The following POGZ variants were observed in gnomAD, a reference collection of about 807,000 sequenced individuals.
POGZ encodes the protein pogo transposable element derived with ZNF domain.
In POGZ, 17 loss-of-function variants were observed where a neutral mutation model predicts 134.6. That is an observed-to-expected ratio of 0.13 (90% CI 0.09 to 0.19). The LOEUF (loss-of-function observed/expected upper bound fraction) is 0.19, where lower values mean the gene tolerates loss of function less well. POGZ is among the 10% of genes least tolerant of loss of function. The probability of loss-of-function intolerance (pLI) is 1.00; values close to 1 mark genes in which losing one functional copy is unlikely to be tolerated. For synonymous variants in POGZ, 693 were observed against 657.1 expected, an observed-to-expected ratio of 1.05 and a Z score of -0.84; for missense variants, 1,306 against 1,769.7, an observed-to-expected ratio of 0.74 and a Z score of 4.70.
intron 10 of POGZ, among the ~76,000 whole-genome samples, chr1:151,419,024 C>CAAAAAAAAAAAAAAAAAAA (rs71090164): frequency 1.9e-5 from 1 of 52,152 alleles, no homozygotes; most frequent in Non-Finnish European, 3.9e-5. Flanking sequence ...AGCTCTGTCT[C>CAAAAAAAAAAAAAAAAAAA]AAAAAAAAAA....
At chr1:151,456,583 G>A (rs7533843) in intron 1 of POGZ, among the ~76,000 whole-genome samples, 4,874 of 152,252 alleles carry the variant, frequency 0.032, 271 homozygotes, top group African/African-American at 0.11. Context: ...TCCCTAGGCA[G>A]CATAAATGCT....
Position 151,403,102 on chromosome 1 carries a change from G to T in POGZ, c.*1700C>A. 1 of 476,118 alleles carries T rather than the reference G, an allele frequency of 2.1e-6. No individual in the cohort carries two copies. Among genetic ancestry groups the T allele is most frequent in the Non-Finnish European group, 2.7e-6 (1 of 364,300 alleles). 29.5% of individuals were successfully genotyped at this position (476,118 alleles called of 1,614,324 possible). ...AAGCTGGGGAAGAGAAGCCCAGATG[G>T]ATCCTTGGTTGTTTTCAGATGTCAA... On this transcript the variant is annotated 3_prime_UTR_variant, in exon 19 of 19. Coordinates refer to ENST00000271715, the MANE Select transcript of POGZ (RefSeq NM_015100.4).
chr1:151,451,879 C>G (rs1217941892), intron 1 of POGZ, among the ~76,000 whole-genome samples: 1 of 150,972 alleles, frequency 6.6e-6, no homozygotes, highest in Non-Finnish European at 1.5e-5. Flanking sequence ...GGTGGATCAC[C>G]TCAGATCAGG....
chr1:151,432,406 G>C lies in POGZ; in HGVS notation c.284-1565C>G, dbSNP rs6697902. On this transcript the variant is annotated intron_variant, in intron 3 of 18. Coordinates refer to ENST00000271715, the MANE Select transcript of POGZ (RefSeq NM_015100.4). ...TATCTTATACTCTCTCAGAAACTGAGAGCTCATCAGTAGACTAGACCCTCA... is the reference window on the plus strand; with the variant it reads ...TATCTTATACTCTCTCAGAAACTGACAGCTCATCAGTAGACTAGACCCTCA... Among the ~76,000 whole-genome samples the C allele has an allele frequency of 3.4e-3, 525 of 152,252 alleles. 5 individuals are homozygous for C. Among genetic ancestry groups the C allele is most frequent in the African/African-American group, 0.012 (504 of 41,530 alleles).
intron 4 of POGZ, 76 bp downstream of exon 4, chr1:151,430,590 G>T: frequency 1.8e-6 from 2 of 1,131,562 alleles, no homozygotes; most frequent in Middle Eastern, 2.1e-4. Flanking sequence ...TGACGCCAAA[G>T]ACCCTAAGTC....
Position 151,404,198 on chromosome 1 carries a change from G to T in POGZ, c.*604C>A, listed in dbSNP as rs760264302. The T allele has an allele frequency of 4.1e-6, 4 of 984,988 alleles. No homozygotes were observed. Among genetic ancestry groups the T allele is most frequent in the Non-Finnish European group, 4.8e-6 (4 of 829,266 alleles). The allele number at this position is 984,988 out of a possible 1,614,324, so 61.0% of individuals were successfully genotyped here. On this transcript the variant is annotated 3_prime_UTR_variant, in exon 19 of 19. Coordinates refer to ENST00000271715, the MANE Select transcript of POGZ (RefSeq NM_015100.4). The stretch of plus-strand genomic sequence containing the variant: ...GGGAAGGAAAGAAAAGGAGAAGGAA[G>T]AGAGAGTTCAGTGGGACTTTTTTTC...
intron 3 of POGZ, among the ~76,000 whole-genome samples, chr1:151,436,305 T>A (rs1409488237): frequency 6.6e-6 from 1 of 152,052 alleles, no homozygotes; most frequent in Non-Finnish European, 1.5e-5. Context: ...TCATTTCCCC[T>A]AGCAATTATT....
At position 151,403,345 on chromosome 1, in the gene POGZ, C is replaced by A; in HGVS notation, c.*1457G>T. 12 of 985,282 alleles carry A rather than the reference C, an allele frequency of 1.2e-5. No individual in the cohort carries two copies. The highest frequency in any genetic ancestry group is 1.4e-5 in the Non-Finnish European group (12 of 829,508). 61.0% of individuals were successfully genotyped at this position (985,282 alleles called of 1,614,324 possible). On this transcript the variant is annotated 3_prime_UTR_variant, in exon 19 of 19. Coordinates refer to ENST00000271715, the MANE Select transcript of POGZ (RefSeq NM_015100.4). ...TAAACAGGGTCACCTAGAAAAAAAA[C>A]AAGTTTATAAATCCATTTCCCCTCA...
At position 151,406,135 on chromosome 1, in the gene POGZ, A is replaced by G. The variant is rs1653545381; in HGVS notation, c.2900T>C (p.Val967Ala). The change falls in exon 19 of 19, where the codon GTT (valine) becomes GCT (alanine). Residue 967 changes from valine to alanine, a missense_variant. Val to Ala is a moderately conservative substitution (Grantham distance 64). This residue lies in a region of POGZ where 214 missense variants were observed against 255.5 expected (regional missense o/e 0.84). Transcript: ENST00000271715. ...LASGGGGSGG[V>A]GKKEQLSVKK... ...CACAGACAGCTGCTCCTTTTTGCCA[A>G]CTCCACCACTACCACCACCACCTGA... is the stretch of plus-strand genomic sequence containing the variant. 1.2e-6 allele frequency: 2 copies of G among 1,613,942 alleles called. No homozygotes were observed. Among genetic ancestry groups the G allele is most frequent in the South Asian group, 1.1e-5 (1 of 91,074 alleles).
chr1:151,451,413 A>G (rs887469783), intron 1 of POGZ, among the ~76,000 whole-genome samples: 1 of 151,512 alleles, frequency 6.6e-6, no homozygotes, highest in African/African-American at 2.4e-5. Flanking sequence ...TGCAACCTTC[A>G]CCTCCTGGGT....
intron 10 of POGZ, among the ~76,000 whole-genome samples, chr1:151,412,794 G>A (rs1654891037): frequency 2.0e-5 from 3 of 151,984 alleles, no homozygotes; most frequent in Admixed American, 1.3e-4. Flanking sequence ...CAAACTGCAT[G>A]TAGGAACTGT....
Position 151,404,887 on chromosome 1 carries a change from C to T in POGZ, c.4148G>A (p.Ser1383Asn). ...SSPEETIEPESLHQLFEGESE... is the reference protein window; with the variant it reads ...SSPEETIEPENLHQLFEGESE... The stretch of plus-strand genomic sequence containing the variant: ...TTCACCCTCAAAGAGCTGGTGAAGA[C>T]TTTCAGGCTCAATTGTCTCTTCAGG... Residue 1383 changes from serine (S) to asparagine (N), a missense_variant, in exon 19 of 19, where the codon AGT (serine) becomes AAT (asparagine). This residue lies in a region of POGZ where 107 missense variants were observed against 97.9 expected (regional missense o/e 1.09). Transcript: ENST00000271715. 6.2e-7 allele frequency: 1 copy of T among 1,614,186 alleles called. No individual in the cohort carries two copies. Among genetic ancestry groups the T allele is most frequent in the East Asian group, 2.2e-5 (1 of 44,880 alleles).
In POGZ at chr1:151,411,497, A is replaced by C. The variant is rs964621760; in HGVS notation, c.1926+128T>G. Reference sequence around the variant, plus strand: ...CATGGCACATTAAGTGAATTCAATAAATTTCTGCAAACATATGCATATTAT... The same window carrying C: ...CATGGCACATTAAGTGAATTCAATACATTTCTGCAAACATATGCATATTAT... On this transcript the variant is annotated intron_variant, in intron 12 of 18. Transcript: ENST00000271715. The C allele has an allele frequency of 4.8e-6, 3 of 623,720 alleles. No individual in the cohort carries two copies. The African/African-American group carries it at 5.6e-5, about 12-fold the overall frequency. 38.6% of individuals were successfully genotyped at this position (623,720 alleles called of 1,614,324 possible). A position where few individuals can be genotyped will look rare whatever the true frequency, so the allele number is the denominator to read the frequency against.
chr1:151,448,192 A>G (rs868493179), intron 1 of POGZ, among the ~76,000 whole-genome samples: 2 of 152,298 alleles, frequency 1.3e-5, no homozygotes, highest in South Asian at 2.1e-4. Flanking sequence ...TTTCTCCTGA[A>G]ATTTTTACTT....
intron 17 of POGZ, 132 bp downstream of exon 17, chr1:151,406,779 G>A: frequency 1.0e-6 from 1 of 970,944 alleles, no homozygotes; most frequent in Non-Finnish European, 1.6e-6. Flanking sequence ...AGGTCGGAAG[G>A]TTTCTAATTA....
At chr1:151,443,013 G>A (rs1219364832) in intron 1 of POGZ, among the ~76,000 whole-genome samples, 2 of 151,924 alleles carry the variant, frequency 1.3e-5, no homozygotes, top group Non-Finnish European at 2.9e-5. Flanking sequence ...CTGGGCAATA[G>A]AGACTCCGTC....
At chr1:151,424,756 A>G (rs1657493601) in intron 8 of POGZ, among the ~76,000 whole-genome samples, 199 bp downstream of exon 8, 1 of 152,210 alleles carries the variant, frequency 6.6e-6, no homozygotes, top group South Asian at 2.1e-4. Flanking sequence ...AAGATCACAT[A>G]TGTTCTGATC....
In POGZ at chr1:151,404,532, T is replaced by A. The variant is rs542767502; in HGVS notation, c.*270A>T. ...AATACCAAACACAGTGATTTAAATTTAAAAAAAAAAAAAGTCACAAAAACC... is the reference window on the plus strand; with the variant it reads ...AATACCAAACACAGTGATTTAAATTAAAAAAAAAAAAAAGTCACAAAAACC... On this transcript the variant is annotated 3_prime_UTR_variant, in exon 19 of 19. Coordinates refer to ENST00000271715, the MANE Select transcript of POGZ (RefSeq NM_015100.4). The A allele has an allele frequency of 8.2e-3, 7,005 of 857,994 alleles. 3 individuals are homozygous for A. Among genetic ancestry groups the A allele is most frequent in the Non-Finnish European group, 9.3e-3 (6,425 of 689,902 alleles). The allele number at this position is 857,994 out of a possible 1,614,324, so 53.1% of individuals were successfully genotyped here.
At chr1:151,410,014 G>C (rs1289225319) in intron 12 of POGZ, among the ~76,000 whole-genome samples, 1 of 152,174 alleles carries the variant, frequency 6.6e-6, no homozygotes, top group Non-Finnish European at 1.5e-5. Flanking sequence ...GTGCAAAGGA[G>C]ACTATGAGTG....
Sources: gnomAD v4.1 joint callset for allele counts (sites outside exome capture counted in the v4.1 genomes callset) on GRCh38, gnomAD v4.1.1 for gene constraint, gnomAD v4.1.1 regional missense constraint, MANE v1.5 for transcripts, NCBI Gene and HGNC (gene_info 2026-07-23, HGNC 2026-07-21) for gene names.